INVS: variants seen among roughly 807,000 people sequenced by gnomAD.
INVS encodes the protein inversion of embryo turning homolog.
A neutral mutation model predicts 108.8 loss-of-function variants in INVS; 86 were observed. The ratio of observed to expected loss-of-function variants is 0.79; its 90% CI spans 0.66 to 0.95. INVS has a LOEUF of 0.95. INVS is among the 40% of genes least tolerant of loss of function. INVS has a pLI of 0.00. For synonymous variants in INVS, 455 were observed against 473.5 expected, an observed-to-expected ratio of 0.96 and a Z score of 0.51; for missense variants, 1,169 against 1,297.4, an observed-to-expected ratio of 0.90 and a Z score of 1.52.
chr9:100,301,847 AAAG>A lies in INVS; in HGVS notation c.*1177_*1179del, dbSNP rs2118806308. ...ATCGTTTTTGTGATCACAAAAACAC[AAAG>A]AAGGAGGTCTGCCTGGATGGAATTA... is the stretch of plus-strand genomic sequence containing the variant. On this transcript the variant is annotated 3_prime_UTR_variant, in exon 17 of 17. Transcript: ENST00000262457. Among the ~76,000 whole-genome samples, 1 of 152,260 alleles carries A rather than the reference AAAG, an allele frequency of 6.6e-6. No homozygotes were observed. The highest frequency in any genetic ancestry group is 2.1e-4 in the South Asian group (1 of 4,820).
chr9:100,182,521 GAA>G (rs757374824), intron 3 of INVS, among the ~76,000 whole-genome samples: 14 of 152,134 alleles, frequency 9.2e-5, no homozygotes, highest in East Asian at 7.7e-4. Context: ...ACAAACACAT[GAA>G]AAAAAGCTCA....
chr9:100,150,567 T>A (rs547520223), intron 3 of INVS, among the ~76,000 whole-genome samples: 1 of 152,336 alleles, frequency 6.6e-6, no homozygotes, highest in East Asian at 1.9e-4. Context: ...TTTAACCGTT[T>A]AAAAATTAAT....
At chr9:100,269,926 C>G (rs1052576107) in intron 11 of INVS, among the ~76,000 whole-genome samples, 1 of 152,188 alleles carries the variant, frequency 6.6e-6, no homozygotes, top group African/African-American at 2.4e-5. Flanking sequence ...TTAACTGTTT[C>G]CTTTGGACCA....
At chr9:100,138,277 G>A (rs905608196) in intron 3 of INVS, among the ~76,000 whole-genome samples, 17 of 151,860 alleles carry the variant, frequency 1.1e-4, no homozygotes, top group African/African-American at 3.4e-4. Flanking sequence ...GTGGTGGCAC[G>A]TGCCTATAAT....
At chr9:100,144,911 A>G (rs1196923734) in intron 3 of INVS, among the ~76,000 whole-genome samples, 3 of 152,046 alleles carry the variant, frequency 2.0e-5, no homozygotes, top group African/African-American at 7.3e-5. Flanking sequence ...CTAGGGAGGG[A>G]ACAACGTGTA....
intron 3 of INVS, chr9:100,175,689 G>A (rs1234430129): frequency 3.1e-6 from 2 of 636,480 alleles, no homozygotes; most frequent in Non-Finnish European, 6.0e-6. Flanking sequence ...CTGCCTCCAA[G>A]GATGCTTGGC....
chr9:100,151,739 A>G (rs1055157523), intron 3 of INVS, among the ~76,000 whole-genome samples: 1 of 152,156 alleles, frequency 6.6e-6, no homozygotes, highest in Non-Finnish European at 1.5e-5. Flanking sequence ...TCCTTCACCC[A>G]TTCCTCATAT....
chr9:100,162,135 C>G (rs530903173), intron 3 of INVS, among the ~76,000 whole-genome samples: 37 of 152,312 alleles, frequency 2.4e-4, no homozygotes, highest in African/African-American at 8.4e-4. Context: ...GCACAATCAA[C>G]TAGAGTTCAG....
At chr9:100,164,803 A>G (rs1829306542) in intron 3 of INVS, among the ~76,000 whole-genome samples, 1 of 152,086 alleles carries the variant, frequency 6.6e-6, no homozygotes, top group African/African-American at 2.4e-5. Context: ...TTGGATTCCA[A>G]ATAAGAGCTA....
chr9:100,174,066 G>T (rs146777418), intron 3 of INVS, among the ~76,000 whole-genome samples: 75 of 152,304 alleles, frequency 4.9e-4, no homozygotes, highest in African/African-American at 1.7e-3. Context: ...CTCAAATATT[G>T]CTAGACATGA....
At chr9:100,228,237 C>T (rs559186576) in intron 4 of INVS, among the ~76,000 whole-genome samples, 3 of 152,140 alleles carry the variant, frequency 2.0e-5, no homozygotes, top group African/African-American at 4.8e-5. Flanking sequence ...GTGATCCACC[C>T]GCCTCGATCT....
intron 2 of INVS, among the ~76,000 whole-genome samples, chr9:100,105,972 C>G (rs567445536): frequency 3.9e-4 from 59 of 151,540 alleles, no homozygotes; most frequent in African/African-American, 1.4e-3. Context: ...GATAGCACCC[C>G]AAATTCATGA....
At chr9:100,108,343 C>T (rs1323575072) in intron 2 of INVS, among the ~76,000 whole-genome samples, 1 of 152,096 alleles carries the variant, frequency 6.6e-6, no homozygotes, top group East Asian at 1.9e-4. Context: ...GTCTGAGGAA[C>T]TTCTTATTAA....
At chr9:100,173,888 T>C (rs555020074) in intron 3 of INVS, among the ~76,000 whole-genome samples, 98 of 152,322 alleles carry the variant, frequency 6.4e-4, no homozygotes, top group Admixed American at 1.4e-3. Flanking sequence ...AAGGCTAAAA[T>C]AACTCATCAG....
intron 3 of INVS, among the ~76,000 whole-genome samples, chr9:100,145,299 G>A (rs377061335): frequency 2.0e-5 from 3 of 151,878 alleles, no homozygotes; most frequent in African/African-American, 7.3e-5. Context: ...ATAAGGGGTT[G>A]GGGTGCAGAG....
Position 100,142,681 on chromosome 9 carries a change from A to G in INVS, c.273+16132A>G, listed in dbSNP as rs138252933. ...GTATATGCATCAGGTATGAGGAAGA[A>G]AATAGATTTTGGAAGTTATGAGAAC... On this transcript the variant is annotated intron_variant, in intron 3 of 16. Transcript: ENST00000262457. Among the ~76,000 whole-genome samples, 384 of 152,288 alleles carry G rather than the reference A, an allele frequency of 2.5e-3. 2 individuals carry two copies. Among genetic ancestry groups the G allele is most frequent in the Non-Finnish European group, 4.6e-3 (310 of 68,024 alleles).
At chr9:100,163,906 G>A (rs1316304640) in intron 3 of INVS, among the ~76,000 whole-genome samples, 3 of 151,184 alleles carry the variant, frequency 2.0e-5, no homozygotes, top group Admixed American at 2.0e-4. Flanking sequence ...TGCACAAGAG[G>A]GTATGGTTAT....
intron 3 of INVS, among the ~76,000 whole-genome samples, chr9:100,199,453 CT>C (rs768365079): frequency 3.3e-5 from 5 of 152,072 alleles, no homozygotes; most frequent in Non-Finnish European, 7.4e-5. Context: ...TCCTTTCAAT[CT>C]GTTTTCTTTT....
At position 100,297,095 on chromosome 9, in the gene INVS, G is replaced by A. The variant is rs776898860; in HGVS notation, c.2965G>A (p.Gly989Ser). The A allele has an allele frequency of 4.3e-6, 7 of 1,613,902 alleles. No homozygotes were observed. The highest frequency in any genetic ancestry group is 4.2e-6 in the Non-Finnish European group (5 of 1,179,982). ...CAAGGCCCCCAAGAGTCCATCCAAG[G>A]GCACCTCAGGCACAAAGTCCACCAA... ...VSKAPKSPSKGTSGTKSTKHS... is the reference protein window; with the variant it reads ...VSKAPKSPSKSTSGTKSTKHS... Residue 989 changes from glycine (G) to serine (S), a missense_variant, in exon 15 of 17, where the codon GGC (glycine) becomes AGC (serine). By Grantham distance (56) the Gly-to-Ser change is moderately conservative. This residue lies in a region of INVS where 533 missense variants were observed against 536.0 expected (regional missense o/e 0.99). Transcript: ENST00000262457.
Sources: allele counts gnomAD v4.1 joint callset (sites outside exome capture counted in the v4.1 genomes callset), GRCh38; gene constraint gnomAD v4.1.1; regional missense constraint gnomAD v4.1.1; transcripts MANE v1.5; gene names NCBI Gene and HGNC (gene_info 2026-07-23, HGNC 2026-07-21).